Variants in ETS1 observed in about 807,000 individuals in gnomAD.
The protein encoded by ETS1 is protein C-ets-1.
A neutral mutation model predicts 58.6 loss-of-function variants in ETS1; 15 were observed. That is an observed-to-expected ratio of 0.26 (90% CI 0.17 to 0.39). ETS1 has a LOEUF of 0.39. Ranked by LOEUF, ETS1 falls within the 10% of genes least tolerant of loss-of-function variation. The probability of loss-of-function intolerance (pLI) is 1.00; values close to 1 mark genes in which losing one functional copy is unlikely to be tolerated. For missense variants in ETS1, 417 were observed against 610.5 expected (o/e 0.68, Z 3.34); for synonymous variants, 214 against 218.2 (o/e 0.98, Z 0.17).
At position 128,463,775 on chromosome 11, in the gene ETS1, G is replaced by A; in HGVS notation, c.1124-148C>T. ...GCAACAGACAGTGCACATGTCGGAG[G>A]AAGTGTTATGAGCTCGAACAGATAG... On this transcript the variant is annotated intron_variant, in intron 8 of 9. Coordinates refer to ENST00000392668, the MANE Select transcript of ETS1 (RefSeq NM_001143820.2). The surrounding 1 kb of genome is among the most constrained non-coding windows in gnomAD (Gnocchi z 4.1). 1.7e-6 allele frequency: 1 copy of A among 581,216 alleles called. No individual in the cohort carries two copies. The highest frequency in any genetic ancestry group is 1.9e-5 in the African/African-American group (1 of 53,856). The allele number at this position is 581,216 out of a possible 1,614,324, so 36.0% of individuals were successfully genotyped here.
At chr11:128,484,070 C>T (rs1862560221) in intron 7 of ETS1, among the ~76,000 whole-genome samples, 1 of 152,178 alleles carries the variant, frequency 6.6e-6, no homozygotes, top group African/African-American at 2.4e-5. Context: ...TGTTTATGTC[C>T]TGTTCCTAAA....
chr11:128,543,309 A>G (rs973204411), intron 3 of ETS1, among the ~76,000 whole-genome samples: 1 of 152,232 alleles, frequency 6.6e-6, no homozygotes, highest in Non-Finnish European at 1.5e-5. Context: ...AGCCAGGAAG[A>G]GCGAAAAGAT....
rs1864632991 is a variant in ETS1, at chr11:128,571,517, A to AGC, written c.69+1544_69+1545insGC. On this transcript the variant is annotated intron_variant, in intron 2 of 9. Coordinates refer to ENST00000392668, the MANE Select transcript of ETS1 (RefSeq NM_001143820.2). ...AGACTCCGTCAAAAAAAAAAAAAAA[A>AGC]AAAAAAAAAAAAAAAAAAAAAAAAA... Among the ~76,000 whole-genome samples, 28 of 43,566 alleles carry AGC rather than the reference A, an allele frequency of 6.4e-4. 5 individuals are homozygous for AGC. The highest frequency in any genetic ancestry group is 2.8e-3 in the African/African-American group (27 of 9,552). 28.6% of individuals were successfully genotyped at this position (43,566 alleles called of 152,430 possible). A position where few individuals can be genotyped will look rare whatever the true frequency, so the allele number is the denominator to read the frequency against.
At chr11:128,541,720 A>G (rs556369617) in intron 3 of ETS1, among the ~76,000 whole-genome samples, 18 of 152,350 alleles carry the variant, frequency 1.2e-4, no homozygotes, top group African/African-American at 3.4e-4. Context: ...CACAGACCTT[A>G]ACTGAGTGTC....
intron 3 of ETS1, chr11:128,522,296 T>C (rs1688346901): frequency 1.9e-6 from 2 of 1,077,952 alleles, no homozygotes; most frequent in Admixed American, 5.5e-5. Flanking sequence ...GGCTGCCTCG[T>C]TCGCTCTCGA....
Position 128,462,386 on chromosome 11 carries a change from T to C in ETS1, c.1433A>G (p.Asp478Gly), listed in dbSNP as rs1230128019. The change falls in exon 10 of 10, where the codon GAC becomes GGC. Residue 478 changes from aspartate (D) to glycine (G), a missense_variant. Transcript: ENST00000392668. ...TCACTCGTCGGCATCTGGCTTGACG[T>C]CCAGCATGGCGTGCAGCTCCTCAGG... ...YTPEELHAML[D>G]VKPDADE 3.1e-6 allele frequency: 5 copies of C among 1,613,754 alleles called. No homozygotes were observed. The highest frequency in any genetic ancestry group is 1.1e-5 in the South Asian group (1 of 91,082).
chr11:128,587,275 T>C (rs1865050262), intron 1 of ETS1, among the ~76,000 whole-genome samples: 2 of 152,158 alleles, frequency 1.3e-5, no homozygotes, highest in Admixed American at 6.5e-5. Flanking sequence ...AAAAACATAG[T>C]CTTGCTTTCA....
In ETS1 at chr11:128,492,703, A is replaced by G. The variant is rs139755230; in HGVS notation, c.215-2127T>C. ...ATCATCAAATGAGTCACTAAGAAACACATGGCTGCTCCCCATCCATCCCCA... is the reference window on the plus strand; with the variant it reads ...ATCATCAAATGAGTCACTAAGAAACGCATGGCTGCTCCCCATCCATCCCCA... On this transcript the variant is annotated intron_variant, in intron 3 of 9. Transcript: ENST00000392668. Among the ~76,000 whole-genome samples the G allele has an allele frequency of 2.6e-5, 4 of 152,244 alleles. No homozygotes were observed. The East Asian group carries it at 7.7e-4, about 29-fold the overall frequency.
chr11:128,488,566 G>A (rs1161613157), intron 5 of ETS1, among the ~76,000 whole-genome samples: 2 of 152,104 alleles, frequency 1.3e-5, no homozygotes, highest in African/African-American at 4.8e-5. Context: ...ACTGCTGACT[G>A]CTGGTAACTG....
intron 3 of ETS1, among the ~76,000 whole-genome samples, chr11:128,503,947 C>T (rs192849825): frequency 1.3e-5 from 2 of 152,160 alleles, no homozygotes; most frequent in African/African-American, 2.4e-5. Flanking sequence ...CACCAAAAAC[C>T]GATGGTGCCG....
At chr11:128,577,193 G>A (rs887556072) in intron 1 of ETS1, among the ~76,000 whole-genome samples, 1 of 152,166 alleles carries the variant, frequency 6.6e-6, no homozygotes, top group Non-Finnish European at 1.5e-5. Context: ...GTAAGAGGTA[G>A]ATCAGATGTG....
intron 3 of ETS1, among the ~76,000 whole-genome samples, chr11:128,525,785 A>G (rs1863789863): frequency 6.6e-6 from 1 of 152,204 alleles, no homozygotes; most frequent in African/African-American, 2.4e-5. Flanking sequence ...AAGTTTAGTC[A>G]TTAAAAGTCA....
Position 128,573,097 on chromosome 11 carries a change from G to A in ETS1, c.34C>T (p.Pro12Ser). ...GGACGAGGCGCTGAGTAAGGGACGGGGCTGCTCCCAGCAGAATCCACAAAG... is the reference window on the plus strand; with the variant it reads ...GGACGAGGCGCTGAGTAAGGGACGGAGCTGCTCCCAGCAGAATCCACAAAG... ...SYFVDSAGSS[P>S]VPYSAPRPAV... is the part of the protein sequence containing the mutation. Residue 12 changes from proline (P) to serine (S), a missense_variant, in exon 2 of 10, where the codon CCC (proline) becomes TCC (serine). By Grantham distance (74) the Pro-to-Ser change is moderately conservative. Transcript: ENST00000392668. 6.2e-7 allele frequency: 1 copy of A among 1,602,740 alleles called. No homozygotes were observed. Among genetic ancestry groups the A allele is most frequent in the South Asian group, 1.1e-5 (1 of 88,356 alleles).
intron 3 of ETS1, among the ~76,000 whole-genome samples, chr11:128,516,772 C>A (rs1250394327): frequency 1.3e-5 from 2 of 152,112 alleles, no homozygotes; most frequent in Non-Finnish European, 2.9e-5. Flanking sequence ...GCATAGGCAG[C>A]AAATGCAACT....
chr11:128,516,742 A>T (rs1358514328), intron 3 of ETS1, among the ~76,000 whole-genome samples: 1 of 152,210 alleles, frequency 6.6e-6, no homozygotes, highest in African/African-American at 2.4e-5. Flanking sequence ...TTTTAGGGGA[A>T]AAAACGAAAT....
intron 3 of ETS1, among the ~76,000 whole-genome samples, chr11:128,499,427 GT>G (rs11320992): frequency 0.65 from 98,117 of 151,930 alleles, 32,220 homozygotes; most frequent in Middle Eastern, 0.82. Context: ...AGCACTTGTA[GT>G]TATTATCTTT....
chr11:128,463,554 G>C lies in ETS1; in HGVS notation c.1197C>G (p.Ser399Arg). 2 of 1,613,018 alleles carry C rather than the reference G, an allele frequency of 1.2e-6. No homozygotes were observed. The highest frequency in any genetic ancestry group is 1.7e-6 in the Non-Finnish European group (2 of 1,178,974). Reference sequence around the variant, plus strand: ...TGAATTCCCAGCCATCTCCTGTCCAGCTGATAAAAGACTGACAGGATTTAT... The same window carrying C: ...TGAATTCCCAGCCATCTCCTGTCCACCTGATAAAAGACTGACAGGATTTAT... ...LTDKSCQSFI[S>R]WTGDGWEFKL... The change falls in exon 9 of 10, where the codon AGC becomes AGG. Residue 399 changes from serine to arginine, a missense_variant. By Grantham distance (110) the Ser-to-Arg change is moderately radical. Coordinates refer to ENST00000392668, the MANE Select transcript of ETS1 (RefSeq NM_001143820.2). The surrounding 1 kb of genome is among the most constrained non-coding windows in gnomAD (Gnocchi z 4.1).
intron 5 of ETS1, among the ~76,000 whole-genome samples, chr11:128,487,805 A>G (rs1291932810): frequency 1.3e-5 from 2 of 152,144 alleles, no homozygotes; most frequent in Non-Finnish European, 2.9e-5. Flanking sequence ...AGAAAAGGAG[A>G]TGAGTGATAC....
At chr11:128,522,129 G>A in intron 3 of ETS1, 2 of 1,321,040 alleles carry the variant, frequency 1.5e-6, no homozygotes, top group Non-Finnish European at 1.9e-6. Flanking sequence ...TCAAATTCCC[G>A]CTGCCTTTCT....
Sources: allele counts gnomAD v4.1 joint callset (sites outside exome capture counted in the v4.1 genomes callset), GRCh38; gene constraint gnomAD v4.1.1; non-coding constraint Gnocchi (gnomAD v3.1); transcripts MANE v1.5; gene names NCBI Gene and HGNC (gene_info 2026-07-23, HGNC 2026-07-21).